RTN4: variants seen among roughly 807,000 people sequenced by gnomAD.
The protein encoded by RTN4 is reticulon-4.
RTN4 carries 32 observed loss-of-function variants against 90.4 expected under a neutral mutation model. The ratio of observed to expected loss-of-function variants is 0.35; its 90% confidence interval spans 0.27 to 0.48. The LOEUF (loss-of-function observed/expected upper bound fraction) is 0.48, where lower values mean the gene tolerates loss of function less well. Among genes scored for constraint, RTN4 ranks in the 20% least tolerant of loss-of-function variants. The pLI is 0.99. For missense variants in RTN4, 1,706 were observed against 1,430.2 expected (o/e 1.19, Z -3.11); for synonymous variants, 629 against 552.5 (o/e 1.14, Z -1.94).
chr2:55,041,604 G>GTTA (rs1300722337), intron 1 of RTN4, among the ~76,000 whole-genome samples: 1 of 151,602 alleles, frequency 6.6e-6, no homozygotes, highest in Non-Finnish European at 1.5e-5. Flanking sequence ...TGGTTAAGAA[G>GTTA]GATAATTCAA....
At chr2:55,028,341 AG>A in intron 1 of RTN4, 121 bp from the exon 2 acceptor site, 1 of 741,044 alleles carries the variant, frequency 1.3e-6, no homozygotes, top group South Asian at 2.0e-5. Flanking sequence ...TTACAGAGAA[AG>A]GGCCAAGATC....
At chr2:55,082,498 C>T (rs934066785) in intron 1 of RTN4, among the ~76,000 whole-genome samples, 2 of 152,164 alleles carry the variant, frequency 1.3e-5, no homozygotes, top group African/African-American at 2.4e-5. Context: ...TTTCACCCAC[C>T]CCTGGCCAGG....
chr2:54,986,026 C>CCA (rs892214240), intron 4 of RTN4, among the ~76,000 whole-genome samples: 56 of 152,216 alleles, frequency 3.7e-4, no homozygotes, highest in African/African-American at 1.1e-3. Flanking sequence ...AGGAAATTCT[C>CCA]CAAAGAGCTG....
intron 3 of RTN4, among the ~76,000 whole-genome samples, chr2:54,996,277 T>G (rs1269329045): frequency 6.6e-6 from 1 of 152,164 alleles, no homozygotes; most frequent in Non-Finnish European, 1.5e-5. Context: ...CTCAAATTGA[T>G]CTAAAATACA....
chr2:55,001,927 G>A (rs778040937), intron 3 of RTN4, among the ~76,000 whole-genome samples: 1 of 151,994 alleles, frequency 6.6e-6, no homozygotes, highest in Non-Finnish European at 1.5e-5. Context: ...CATCCTCTAT[G>A]TATTCTAAAA....
intron 1 of RTN4, among the ~76,000 whole-genome samples, chr2:55,093,710 G>A (rs1668981474): frequency 6.6e-6 from 1 of 152,084 alleles, no homozygotes. Context: ...ATTGGTAAGA[G>A]GAAAAAGGGT....
intron 2 of RTN4, among the ~76,000 whole-genome samples, chr2:55,027,822 G>A (rs1682021025): frequency 6.6e-6 from 1 of 152,138 alleles, no homozygotes; most frequent in South Asian, 2.1e-4. Context: ...TGACAGCATA[G>A]GAAAGAAGGG....
intron 2 of RTN4, among the ~76,000 whole-genome samples, chr2:55,074,653 G>C (rs1189338729): frequency 1.3e-5 from 2 of 151,990 alleles, no homozygotes; most frequent in East Asian, 3.8e-4. Flanking sequence ...CAATATCCCT[G>C]ATGAACATAG....
rs201860840 is a variant in RTN4 at position 54,972,427 on chromosome 2, G to T, written c.*729C>A. ...AGTCTGTGCAATGAAATTGATGTTG[G>T]AGTTCTATGTGTGTGGCATTTCATG... On this transcript the variant is annotated 3_prime_UTR_variant, in exon 9 of 9. Transcript: ENST00000337526. The T allele has an allele frequency of 7.0e-6, 1 of 142,238 alleles. No homozygotes were observed. The highest frequency in any genetic ancestry group is 2.2e-4 in the South Asian group (1 of 4,514). 8.8% of individuals were successfully genotyped at this position (142,238 alleles called of 1,614,324 possible). A position where few individuals can be genotyped will look rare whatever the true frequency, so the allele number is the denominator to read the frequency against.
intron 3 of RTN4, among the ~76,000 whole-genome samples, chr2:55,005,561 G>T (rs76668776): frequency 6.6e-6 from 1 of 152,082 alleles, no homozygotes; most frequent in Non-Finnish European, 1.5e-5. Flanking sequence ...TGTAAAAGGC[G>T]CCCAAAGCCT....
At chr2:55,036,000 A>C (rs1432662784) in intron 1 of RTN4, among the ~76,000 whole-genome samples, 2 of 152,010 alleles carry the variant, frequency 1.3e-5, no homozygotes, top group Non-Finnish European at 2.9e-5. Flanking sequence ...GTAACTTAAA[A>C]CCCCCACGAA....
intron 1 of RTN4, among the ~76,000 whole-genome samples, chr2:55,094,227 G>A (rs530737380): frequency 7.2e-5 from 11 of 152,128 alleles, no homozygotes; most frequent in Admixed American, 2.0e-4. Context: ...CACCACATGA[G>A]GACACAGTGA....
upstream of RTN4, among the ~76,000 whole-genome samples, chr2:55,053,875 T>C (rs1668144182): frequency 6.6e-6 from 1 of 152,126 alleles, no homozygotes; most frequent in Non-Finnish European, 1.5e-5. Flanking sequence ...CAATCTCTCT[T>C]CCATTATCAT....
chr2:55,135,208 G>GTTTTT, the RTN4 span, among the ~76,000 whole-genome samples: 1 of 109,136 alleles, frequency 9.2e-6, no homozygotes. Flanking sequence ...TGTTTTTTTG[G>GTTTTT]TTTTTTTTTT....
At chr2:55,132,850 T>C in the RTN4 span, among the ~76,000 whole-genome samples, 1 of 149,774 alleles carries the variant, frequency 6.7e-6, no homozygotes, top group African/African-American at 2.4e-5. Context: ...AAAATAAATA[T>C]ACCGATCATT....
At chr2:55,062,465 A>G (rs1668316369) in intron 2 of RTN4, among the ~76,000 whole-genome samples, 1 of 152,130 alleles carries the variant, frequency 6.6e-6, no homozygotes, top group African/African-American at 2.4e-5. Flanking sequence ...GCTCCCCTAG[A>G]GGTTTGAGCA....
At chr2:55,031,275 C>A (rs1193105075) in intron 1 of RTN4, among the ~76,000 whole-genome samples, 1 of 152,172 alleles carries the variant, frequency 6.6e-6, no homozygotes, top group Admixed American at 6.5e-5. Context: ...AAAAGGGAAA[C>A]CTGCAAGATG....
intron 3 of RTN4, among the ~76,000 whole-genome samples, chr2:54,988,522 TTTGA>T (rs1329204669): frequency 1.3e-5 from 2 of 152,200 alleles, no homozygotes; most frequent in Non-Finnish European, 2.9e-5. Flanking sequence ...TTTTTTCTTA[TTTGA>T]TTTTTTTGTG....
the RTN4 span, among the ~76,000 whole-genome samples, chr2:55,137,394 C>T: frequency 6.6e-6 from 1 of 152,124 alleles, no homozygotes; most frequent in African/African-American, 2.4e-5. Context: ...AAGAGCCAGA[C>T]CAGAACCACA....
Sources: gnomAD v4.1 joint callset for allele counts (sites outside exome capture counted in the v4.1 genomes callset) on GRCh38, gnomAD v4.1.1 for gene constraint, MANE v1.5 for transcripts, NCBI Gene and HGNC (gene_info 2026-07-23, HGNC 2026-07-21) for gene names.